PCDHA3: variants seen among roughly 807,000 people sequenced by gnomAD.
PCDHA3 encodes protocadherin alpha-3.
Under a neutral mutation model 62.2 loss-of-function variants are expected in PCDHA3, and 41 were observed. The observed-to-expected ratio is 0.66, with a 90% CI of 0.51 to 0.86. PCDHA3 has a LOEUF of 0.86. Among genes scored for constraint, PCDHA3 ranks in the 40% least tolerant of loss-of-function variants. PCDHA3 has a pLI of 0.00. For synonymous variants in PCDHA3, 640 were observed against 555.4 expected, an observed-to-expected ratio of 1.15 and a Z score of -2.14; for missense variants, 1,304 against 1,241.2, an observed-to-expected ratio of 1.05 and a Z score of -0.76.
Position 140,807,933 on chromosome 5 carries a change from T to C in PCDHA3, c.2394+4342T>C, listed in dbSNP as rs782209478. ...GCTTTTGACAGAACCATTTATAAGG[T>C]GAGATTACTAGAAAATGTTCCTAAT... On this transcript the variant is annotated intron_variant, in intron 1 of 3. Transcript: ENST00000522353. The C allele has an allele frequency of 5.0e-6, 8 of 1,613,928 alleles. No individual in the cohort carries two copies. Among genetic ancestry groups the C allele is most frequent in the Non-Finnish European group, 6.8e-6 (8 of 1,179,976 alleles).
At chr5:140,808,357 G>C in intron 1 of PCDHA3, 1 of 1,614,204 alleles carries the variant, frequency 6.2e-7, no homozygotes, top group Non-Finnish European at 8.5e-7. Context: ...GCTCCTTGAC[G>C]TCCCACGTCC....
At chr5:141,009,205 A>G (rs1325707221) in intron 3 of PCDHA3, among the ~76,000 whole-genome samples, 8 of 152,192 alleles carry the variant, frequency 5.3e-5, no homozygotes, top group Non-Finnish European at 1.2e-4. Flanking sequence ...CTATGATTCC[A>G]ACACTTTGGG....
chr5:140,810,565 A>C (rs1234570914), intron 1 of PCDHA3: 1 of 152,234 alleles, frequency 6.6e-6, no homozygotes, highest in African/African-American at 2.4e-5. Context: ...TTTTATATTT[A>C]AATGAAGTTG....
Position 140,814,177 on chromosome 5 carries a change from T to C in PCDHA3, c.2394+10586T>C, listed in dbSNP as rs2126652611. On this transcript the variant is annotated intron_variant, in intron 1 of 3. Coordinates refer to ENST00000522353, the MANE Select transcript of PCDHA3 (RefSeq NM_018906.3). ...TATATCCTTATTTTACAAGTTTTTT[T>C]GACTTTTAATTTTTTTATTTTTTTC... 1.3e-5 allele frequency: 2 copies of C among 152,850 alleles called. 1 individual carries two copies. The highest frequency in any genetic ancestry group is 4.1e-4 in the South Asian group (2 of 4,892). 9.5% of individuals were successfully genotyped at this position (152,850 alleles called of 1,614,324 possible).
chr5:140,856,178 G>T lies in PCDHA3; in HGVS notation c.2394+52587G>T, dbSNP rs782689818. ...CGAGGAGGCCAGACACGGCACCTTC[G>T]TGGGCCGCATCGCGCAGGACCTGGG... is the stretch of plus-strand genomic sequence containing the variant. On this transcript the variant is annotated intron_variant, in intron 1 of 3. Coordinates refer to ENST00000522353, the MANE Select transcript of PCDHA3 (RefSeq NM_018906.3). 6.3e-6 allele frequency: 10 copies of T among 1,598,138 alleles called. 2 individuals are homozygous for T. Among genetic ancestry groups the T allele is most frequent in the Non-Finnish European group, 8.6e-6 (10 of 1,167,922 alleles).
chr5:140,949,630 T>C (rs549897729), intron 1 of PCDHA3, among the ~76,000 whole-genome samples: 2 of 152,016 alleles, frequency 1.3e-5, no homozygotes, highest in South Asian at 4.1e-4. Flanking sequence ...TTTCATGGCA[T>C]ATTGCTTTTT....
chr5:140,878,016 G>A, intron 1 of PCDHA3: 2 of 818,388 alleles, frequency 2.4e-6, no homozygotes, highest in Admixed American at 3.6e-5. Context: ...CATTAATGAA[G>A]GAAATATGTA....
At chr5:140,868,091 GATA>G (rs1310708872) in intron 1 of PCDHA3, 1 of 151,974 alleles carries the variant, frequency 6.6e-6, no homozygotes, top group Non-Finnish European at 1.5e-5. Context: ...TTTATAAAAT[GATA>G]ATAAAATTTA....
intron 1 of PCDHA3, among the ~76,000 whole-genome samples, chr5:140,942,466 A>G (rs1269455545): frequency 2.0e-5 from 3 of 152,266 alleles, no homozygotes; most frequent in African/African-American, 7.2e-5. Flanking sequence ...TAATACAATC[A>G]AATTCAAGCT....
intron 1 of PCDHA3, among the ~76,000 whole-genome samples, chr5:140,839,625 C>T (rs1361180713): frequency 6.6e-6 from 1 of 151,884 alleles, no homozygotes; most frequent in African/African-American, 2.4e-5. Flanking sequence ...CCTGAGATAT[C>T]GAGAAATACT....
Position 140,968,209 on chromosome 5 carries a change from C to A in PCDHA3, c.2395-10740C>A, listed in dbSNP as rs781795931. The A allele has an allele frequency of 2.5e-6, 4 of 1,613,884 alleles. No homozygotes were observed. In the African/African-American group the frequency reaches 4.0e-5, roughly 16 times the overall value. Reference sequence around the variant, plus strand: ...CCTATTCCATCTACATACAGGAGAACAATTTGCCAGGTGTGTTGCTCTGTA... The same window carrying A: ...CCTATTCCATCTACATACAGGAGAAAAATTTGCCAGGTGTGTTGCTCTGTA... On this transcript the variant is annotated intron_variant, in intron 1 of 3. Coordinates refer to ENST00000522353, the MANE Select transcript of PCDHA3 (RefSeq NM_018906.3).
chr5:140,966,061 C>T (rs2095963591), intron 1 of PCDHA3, among the ~76,000 whole-genome samples: 1 of 152,222 alleles, frequency 6.6e-6, no homozygotes, highest in Non-Finnish European at 1.5e-5. Flanking sequence ...CCCAGAGCGC[C>T]TCCCCCTGCG....
At chr5:140,844,541 T>C (rs1361373728) in intron 1 of PCDHA3, among the ~76,000 whole-genome samples, 3 of 149,594 alleles carry the variant, frequency 2.0e-5, no homozygotes, top group Non-Finnish European at 4.5e-5. Flanking sequence ...TTCAACCCTT[T>C]GTTCATGAGT....
intron 1 of PCDHA3, chr5:140,836,574 G>A (rs2150264470): frequency 1.9e-6 from 3 of 1,613,706 alleles, no homozygotes; most frequent in East Asian, 4.5e-5. Flanking sequence ...CTCTGAGGGC[G>A]CATGTAGTTT....
At chr5:140,931,021 G>C (rs2153606770) in intron 1 of PCDHA3, among the ~76,000 whole-genome samples, 1 of 152,272 alleles carries the variant, frequency 6.6e-6, no homozygotes, top group Admixed American at 6.5e-5. Flanking sequence ...GGAATTTTCT[G>C]ATTGTAGAGC....
At position 140,883,904 on chromosome 5, in the gene PCDHA3, G is replaced by A. The variant is rs146827381; in HGVS notation, c.2394+80313G>A. 7,677 of 1,613,344 alleles carry A rather than the reference G, an allele frequency of 4.8e-3. 19 individuals are homozygous for A. The highest frequency in any genetic ancestry group is 5.8e-3 in the Non-Finnish European group (6,886 of 1,179,828). On this transcript the variant is annotated intron_variant, in intron 1 of 3. Transcript: ENST00000522353. ...GCGCGACTCTGGCGTGCCGCCTCTG[G>A]GCAGCAACGTGACGCTGCAGGTGTT... is the stretch of plus-strand genomic sequence containing the variant.
intron 1 of PCDHA3, chr5:140,827,889 T>C: frequency 1.4e-6 from 1 of 707,002 alleles, no homozygotes; most frequent in South Asian, 1.9e-5. Flanking sequence ...AATTGATTTC[T>C]TACCTTTTGG....
chr5:140,868,423 T>A (rs1554161972), intron 1 of PCDHA3: 1 of 151,106 alleles, frequency 6.6e-6, no homozygotes, highest in African/African-American at 2.4e-5. Flanking sequence ...CCCACAGAGA[T>A]GAGAATAGAT....
rs1554145527 is a variant in PCDHA3, at chr5:140,851,758, C to T, written c.2394+48167C>T. The T allele has an allele frequency of 1.1e-5, 11 of 969,794 alleles. 1 individual carries two copies. The highest frequency in any genetic ancestry group is 1.4e-5 in the Non-Finnish European group (11 of 802,714). 60.1% of individuals were successfully genotyped at this position (969,794 alleles called of 1,614,324 possible). ...GAAATTCAGAGTCTGTAACTTAAAACATTACCCTTATGAATTTAGATGAGA... is the reference window on the plus strand; with the variant it reads ...GAAATTCAGAGTCTGTAACTTAAAATATTACCCTTATGAATTTAGATGAGA... On this transcript the variant is annotated intron_variant, in intron 1 of 3. Transcript: ENST00000522353.
Sources: gnomAD v4.1 joint callset for allele counts (sites outside exome capture counted in the v4.1 genomes callset) on GRCh38, gnomAD v4.1.1 for gene constraint, MANE v1.5 for transcripts, NCBI Gene and HGNC (gene_info 2026-07-23, HGNC 2026-07-21) for gene names.